The following TRAPPC9 variants were observed in gnomAD, a reference collection of about 807,000 sequenced individuals.
TRAPPC9 encodes the protein IKK2 binding protein.
Under a neutral mutation model 124.0 loss-of-function variants are expected in TRAPPC9, and 83 were observed. The ratio of observed to expected loss-of-function variants is 0.67; its 90% confidence interval spans 0.56 to 0.80. The LOEUF is 0.80. Among genes scored for constraint, TRAPPC9 ranks in the 30% least tolerant of loss-of-function variants. TRAPPC9 has a pLI of 0.00. For synonymous variants in TRAPPC9, 638 were observed against 617.5 expected, an observed-to-expected ratio of 1.03 and a Z score of -0.49; for missense variants, 1,302 against 1,508.3, an observed-to-expected ratio of 0.86 and a Z score of 2.27.
At chr8:139,804,304 AACC>A (rs1387668979) in intron 21 of TRAPPC9, among the ~76,000 whole-genome samples, 1 of 48,980 alleles carries the variant, frequency 2.0e-5, no homozygotes, top group Non-Finnish European at 4.1e-5. Flanking sequence ...CACCACACAC[AACC>A]ACCACCACCC....
chr8:140,160,192 TTGG>T (rs2061721333), intron 17 of TRAPPC9, among the ~76,000 whole-genome samples: 2 of 152,292 alleles, frequency 1.3e-5, no homozygotes, highest in African/African-American at 4.8e-5. Flanking sequence ...TTTTACACTG[TTGG>T]TGGGAGTGTA....
At chr8:139,865,765 C>T (rs751656467) in intron 21 of TRAPPC9, among the ~76,000 whole-genome samples, 5 of 152,084 alleles carry the variant, frequency 3.3e-5, no homozygotes, top group Non-Finnish European at 7.4e-5. Context: ...AGAGCTGCCC[C>T]GTGTGTGAGC....
chr8:139,989,865 C>T (rs1439406130), intron 18 of TRAPPC9, among the ~76,000 whole-genome samples: 2 of 152,170 alleles, frequency 1.3e-5, no homozygotes, highest in South Asian at 4.1e-4. Context: ...AAAACTCATA[C>T]GGTATCTCAG....
At chr8:140,458,088 G>A (rs550179698), upstream of TRAPPC9, among the ~76,000 whole-genome samples, 303 of 137,474 alleles carry the variant, frequency 2.2e-3, 11 homozygotes, top group Non-Finnish European at 3.9e-3. Flanking sequence ...GGGAGAGGGT[G>A]GAGGAGGGAG....
intron 21 of TRAPPC9, among the ~76,000 whole-genome samples, chr8:139,753,133 TCATCCAC>T (rs929284949): frequency 9.5e-5 from 13 of 136,346 alleles, no homozygotes; most frequent in East Asian, 7.5e-4. Flanking sequence ...CATCCATCCA[TCATCCAC>T]CATCCACCAT....
intron 16 of TRAPPC9, among the ~76,000 whole-genome samples, chr8:140,246,594 A>C (rs2063992546): frequency 6.6e-6 from 1 of 152,206 alleles, no homozygotes; most frequent in Admixed American, 6.5e-5. Context: ...ATTATCACAG[A>C]ATTAATCATT....
intron 21 of TRAPPC9, among the ~76,000 whole-genome samples, chr8:139,804,113 CAAA>C (rs1295834005): frequency 7.0e-6 from 1 of 143,424 alleles, no homozygotes; most frequent in East Asian, 2.2e-4. Context: ...CCACCACCAC[CAAA>C]CACCACCACC....
intron 18 of TRAPPC9, among the ~76,000 whole-genome samples, chr8:139,991,353 G>T (rs1870811): frequency 0.02 from 3,097 of 152,290 alleles, 93 homozygotes; most frequent in African/African-American, 0.07. Context: ...CTGTCTGAGT[G>T]TGGGGGCGTC....
At chr8:140,035,253 G>A (rs773339904) in intron 17 of TRAPPC9, among the ~76,000 whole-genome samples, 28 of 152,238 alleles carry the variant, frequency 1.8e-4, no homozygotes, top group Non-Finnish European at 3.4e-4. Flanking sequence ...TCTGGCCATA[G>A]GATGTGGCCT....
intron 21 of TRAPPC9, among the ~76,000 whole-genome samples, chr8:139,818,440 G>A (rs1199913486): frequency 6.6e-6 from 1 of 152,162 alleles, no homozygotes; most frequent in Non-Finnish European, 1.5e-5. Context: ...GCCAGGCATG[G>A]TGGTGTGTGC....
chr8:139,763,502 C>T (rs546977699), intron 21 of TRAPPC9, among the ~76,000 whole-genome samples: 114 of 151,554 alleles, frequency 7.5e-4, no homozygotes, highest in African/African-American at 2.7e-3. Flanking sequence ...GCAGTCACCA[C>T]GTGCTAGGCA....
chr8:139,884,940 G>C (rs1829908101), intron 21 of TRAPPC9, among the ~76,000 whole-genome samples: 1 of 152,222 alleles, frequency 6.6e-6, no homozygotes, highest in Admixed American at 6.5e-5. Flanking sequence ...AAGGGCGCTG[G>C]TGGAGTGCAA....
chr8:140,030,606 T>C (rs900409718), intron 17 of TRAPPC9, among the ~76,000 whole-genome samples: 3 of 152,186 alleles, frequency 2.0e-5, no homozygotes, highest in African/African-American at 7.2e-5. Flanking sequence ...ACAACCTCCA[T>C]GTCCAACAAG....
chr8:139,811,289 G>A (rs1052749607), intron 21 of TRAPPC9, among the ~76,000 whole-genome samples: 1 of 152,146 alleles, frequency 6.6e-6, no homozygotes, highest in Non-Finnish European at 1.5e-5. Context: ...CTAAGAGATA[G>A]GAAACAGCAA....
At chr8:139,752,258 CA>C (rs1426285650) in intron 21 of TRAPPC9, among the ~76,000 whole-genome samples, 1 of 151,256 alleles carries the variant, frequency 6.6e-6, no homozygotes, top group Admixed American at 6.6e-5. Context: ...ACCCATCTAC[CA>C]TCCATCCATC....
intron 16 of TRAPPC9, among the ~76,000 whole-genome samples, chr8:140,228,739 C>T (rs371709785): frequency 1.4e-3 from 218 of 152,254 alleles, no homozygotes; most frequent in Admixed American, 2.5e-3. Flanking sequence ...ACTGTGGGGA[C>T]GATTGCACAA....
chr8:140,442,489 T>A (rs2071053981), intron 2 of TRAPPC9, among the ~76,000 whole-genome samples: 1 of 151,044 alleles, frequency 6.6e-6, no homozygotes, highest in Admixed American at 6.6e-5. Context: ...TCCCAGCTAC[T>A]CGGGAGGCTG....
intron 17 of TRAPPC9, among the ~76,000 whole-genome samples, chr8:140,153,898 G>A (rs1468129162): frequency 6.6e-6 from 1 of 152,102 alleles, no homozygotes; most frequent in African/African-American, 2.4e-5. Context: ...CTGGCACCCA[G>A]AGCTCATTCA....
At chr8:139,918,290 A>G (rs1832275065) in intron 19 of TRAPPC9, among the ~76,000 whole-genome samples, 1 of 152,218 alleles carries the variant, frequency 6.6e-6, no homozygotes, top group African/African-American at 2.4e-5. Flanking sequence ...TTCTCCGAAG[A>G]GGGATGGTGT....
Sources: allele counts gnomAD v4.1 joint callset (sites outside exome capture counted in the v4.1 genomes callset), GRCh38; gene constraint gnomAD v4.1.1; transcripts MANE v1.5; gene names NCBI Gene and HGNC (gene_info 2026-07-23, HGNC 2026-07-21).